ADGRB3: variants seen among roughly 807,000 people sequenced by gnomAD.
ADGRB3 encodes the protein brain-specific angiogenesis inhibitor 3.
A neutral mutation model predicts 193.4 loss-of-function variants in ADGRB3; 37 were observed. The observed-to-expected ratio is 0.19, with a 90% CI of 0.15 to 0.25. The LOEUF is 0.25. ADGRB3 is among the 10% of genes least tolerant of loss of function. The pLI, the probability that ADGRB3 is intolerant of heterozygous loss-of-function variation, is 1.00. For synonymous variants in ADGRB3, 690 were observed against 644.2 expected (o/e 1.07, Z -1.08); for missense variants, 1,637 against 1,852.9 (o/e 0.88, Z 2.14).
chr6:69,379,913 C>A (rs1176497227), intron 30 of ADGRB3, among the ~76,000 whole-genome samples: 1 of 151,956 alleles, frequency 6.6e-6, no homozygotes, highest in East Asian at 1.9e-4. Context: ...ATTTCAGCGT[C>A]CTTCAGCTTT....
intron 3 of ADGRB3, among the ~76,000 whole-genome samples, chr6:68,873,549 A>G (rs1035891596): frequency 6.6e-6 from 1 of 152,162 alleles, no homozygotes; most frequent in Non-Finnish European, 1.5e-5. Flanking sequence ...AAGGAAAATT[A>G]AAAATGGTGA....
At chr6:69,043,334 G>GAAAGAAAAAGAAAGGAAGAAAGAAAGAA (rs1771143507) in intron 13 of ADGRB3, among the ~76,000 whole-genome samples, 13 of 110,104 alleles carry the variant, frequency 1.2e-4, no homozygotes, top group Admixed American at 7.8e-4. Flanking sequence ...GAAAGAAAGA[G>GAAAGAAAAAGAAAGGAAGAAAGAAAGAA]AAAGAAAAGA....
intron 23 of ADGRB3, chr6:69,332,472 G>A: frequency 1.0e-6 from 1 of 985,414 alleles, no homozygotes; most frequent in East Asian, 1.1e-4. Context: ...TCTGTCCTCT[G>A]TGTTGGGAAT....
At position 68,748,225 on chromosome 6, in the gene ADGRB3, C is replaced by T. The variant is rs889658413; in HGVS notation, c.757+108793C>T. On this transcript the variant is annotated intron_variant, in intron 3 of 31. Transcript: ENST00000370598. ...ACTTTTCAAAATCAATTATGCCTTC[C>T]CAACAGTCCCATAAAGTCTTAACTC... 3.9e-5 allele frequency among the ~76,000 whole-genome samples: 6 copies of T among 152,212 alleles called. No individual in the cohort carries two copies. The East Asian group carries it at 5.8e-4, about 15-fold the overall frequency.
chr6:68,882,947 G>A (rs1054015062), intron 3 of ADGRB3, among the ~76,000 whole-genome samples: 2 of 151,964 alleles, frequency 1.3e-5, no homozygotes, highest in Non-Finnish European at 2.9e-5. Flanking sequence ...AGGCTGGAGT[G>A]CAGTGGTGCG....
intron 3 of ADGRB3, among the ~76,000 whole-genome samples, chr6:68,841,008 A>C (rs1449430269): frequency 1.3e-5 from 2 of 152,220 alleles, no homozygotes; most frequent in Non-Finnish European, 2.9e-5. Context: ...GTCAAAGAAG[A>C]TCATTAGATA....
At chr6:68,645,442 G>A (rs1425256796) in intron 3 of ADGRB3, among the ~76,000 whole-genome samples, 1 of 152,128 alleles carries the variant, frequency 6.6e-6, no homozygotes, top group African/African-American at 2.4e-5. Flanking sequence ...AGAAATCAGA[G>A]ATAATACTTT....
chr6:69,126,752 A>G (rs947559873), intron 17 of ADGRB3, among the ~76,000 whole-genome samples: 1 of 152,188 alleles, frequency 6.6e-6, no homozygotes. Context: ...CCCTTAATCT[A>G]GTAAAGTTGA....
intron 11 of ADGRB3, among the ~76,000 whole-genome samples, chr6:69,008,425 T>C (rs1769837079): frequency 6.6e-6 from 1 of 152,172 alleles, no homozygotes; most frequent in Non-Finnish European, 1.5e-5. Flanking sequence ...ACTGTTCTCC[T>C]TTAGGCCTTA....
intron 26 of ADGRB3, among the ~76,000 whole-genome samples, chr6:69,343,529 G>A (rs1202895008): frequency 6.6e-6 from 1 of 151,970 alleles, no homozygotes; most frequent in Admixed American, 6.6e-5. Context: ...GATTTACTCT[G>A]TCCTGCCAAA....
chr6:69,189,981 G>A (rs1180191447), intron 17 of ADGRB3, among the ~76,000 whole-genome samples: 1 of 152,132 alleles, frequency 6.6e-6, no homozygotes, highest in Non-Finnish European at 1.5e-5. Flanking sequence ...AAGGCAGTAT[G>A]TGTTTATAGG....
At chr6:69,173,736 A>C (rs1775350974) in intron 17 of ADGRB3, among the ~76,000 whole-genome samples, 1 of 152,148 alleles carries the variant, frequency 6.6e-6, no homozygotes, top group South Asian at 2.1e-4. Flanking sequence ...TGGAAGAATG[A>C]TGGATAAACA....
chr6:69,241,615 A>G (rs1047596665), intron 20 of ADGRB3, among the ~76,000 whole-genome samples: 1 of 151,946 alleles, frequency 6.6e-6, no homozygotes, highest in African/African-American at 2.4e-5. Context: ...ATGTCTTTTA[A>G]GATCTGCAAA....
intron 17 of ADGRB3, among the ~76,000 whole-genome samples, chr6:69,165,645 T>C (rs1182234843): frequency 6.6e-6 from 1 of 152,122 alleles, no homozygotes; most frequent in Non-Finnish European, 1.5e-5. Context: ...TTCTTTGGGT[T>C]ATTTCTGGTT....
intron 31 of ADGRB3, among the ~76,000 whole-genome samples, chr6:69,384,799 G>A (rs540047973): frequency 1.3e-5 from 2 of 151,980 alleles, no homozygotes; most frequent in Non-Finnish European, 2.9e-5. Flanking sequence ...AAAAAAATGC[G>A]ACTTCCTTAT....
intron 18 of ADGRB3, among the ~76,000 whole-genome samples, chr6:69,233,688 A>C (rs917080124): frequency 1.3e-5 from 2 of 152,308 alleles, no homozygotes; most frequent in East Asian, 3.9e-4. Context: ...TATGCTGCAA[A>C]CTTTCAAATA....
intron 16 of ADGRB3, among the ~76,000 whole-genome samples, chr6:69,064,393 T>C (rs1373025682): frequency 6.6e-6 from 1 of 151,922 alleles, no homozygotes; most frequent in African/African-American, 2.4e-5. Flanking sequence ...CTATTAGGTG[T>C]TTTCCTGCTT....
At chr6:68,964,008 A>T (rs1032128567) in intron 8 of ADGRB3, among the ~76,000 whole-genome samples, 2 of 152,124 alleles carry the variant, frequency 1.3e-5, no homozygotes, top group African/African-American at 4.8e-5. Flanking sequence ...AACTAATGAA[A>T]ACATTTATAT....
At chr6:68,932,731 G>A (rs893731724) in intron 4 of ADGRB3, among the ~76,000 whole-genome samples, 8 of 151,466 alleles carry the variant, frequency 5.3e-5, no homozygotes, top group Admixed American at 4.6e-4. Flanking sequence ...AAAAAAGACT[G>A]TAACATATAA....
Sources: allele counts gnomAD v4.1 joint callset (sites outside exome capture counted in the v4.1 genomes callset), GRCh38; gene constraint gnomAD v4.1.1; transcripts MANE v1.5; gene names NCBI Gene and HGNC (gene_info 2026-07-23, HGNC 2026-07-21).